CYB5B: variants seen among roughly 807,000 people sequenced by gnomAD.
CYB5B encodes cytochrome b5 type B (outer mitochondrial membrane).
In CYB5B, 14 loss-of-function variants were observed where a neutral mutation model predicts 21.3. That is an observed-to-expected ratio of 0.66 (90% CI 0.43 to 1.03). The LOEUF (loss-of-function observed/expected upper bound fraction) is 1.03, where lower values mean the gene tolerates loss of function less well. Ranked by LOEUF, CYB5B falls within the 50% of genes least tolerant of loss-of-function variation. The probability of loss-of-function intolerance (pLI) is 0.00; values close to 1 mark genes in which losing one functional copy is unlikely to be tolerated. For missense variants in CYB5B, 166 were observed against 185.1 expected, an observed-to-expected ratio of 0.90 and a Z score of 0.60; for synonymous variants, 69 against 68.4, an observed-to-expected ratio of 1.01 and a Z score of -0.04.
At chr16:69,446,359 T>G (rs1435656722) in intron 1 of CYB5B, among the ~76,000 whole-genome samples, 1 of 152,188 alleles carries the variant, frequency 6.6e-6, no homozygotes, top group Non-Finnish European at 1.5e-5. Flanking sequence ...AGTCTCACTC[T>G]TTTGCCCAGG....
At chr16:69,444,951 G>C (rs1370592322) in intron 1 of CYB5B, among the ~76,000 whole-genome samples, 2 of 152,154 alleles carry the variant, frequency 1.3e-5, no homozygotes, top group African/African-American at 4.8e-5. Context: ...TTTTAAAAAA[G>C]TGTTGTGCTT....
At chr16:69,455,206 G>A (rs57214839) in intron 3 of CYB5B, among the ~76,000 whole-genome samples, 9,654 of 151,894 alleles carry the variant, frequency 0.064, 1,013 homozygotes, top group African/African-American at 0.22. Flanking sequence ...CCTGTCTGTC[G>A]TAATGCGTCA....
chr16:69,457,771 T>C (rs2014996548), intron 3 of CYB5B, among the ~76,000 whole-genome samples: 1 of 152,226 alleles, frequency 6.6e-6, no homozygotes, highest in Admixed American at 6.5e-5. Flanking sequence ...TTTGCCATTT[T>C]TCTTGCCTAC....
intron 1 of CYB5B, among the ~76,000 whole-genome samples, chr16:69,445,963 A>G (rs1019656506): frequency 6.6e-6 from 1 of 152,196 alleles, no homozygotes; most frequent in Non-Finnish European, 1.5e-5. Context: ...TCTCAAAAAA[A>G]AAAAATTTTT....
intron 1 of CYB5B, among the ~76,000 whole-genome samples, chr16:69,445,321 A>C (rs1344957363): frequency 6.6e-6 from 1 of 152,188 alleles, no homozygotes; most frequent in Non-Finnish European, 1.5e-5. Flanking sequence ...TGTGAGACCC[A>C]CTCACTGGGT....
intron 4 of CYB5B, among the ~76,000 whole-genome samples, chr16:69,460,687 T>C (rs539781568): frequency 2.0e-5 from 3 of 152,318 alleles, no homozygotes; most frequent in South Asian, 4.1e-4. Context: ...TTGATAGAAA[T>C]GTGTGCCCAG....
chr16:69,424,652 C>G lies in CYB5B; in HGVS notation c.-32C>G, dbSNP rs369384742. The G allele has an allele frequency of 1.3e-6, 2 of 1,504,002 alleles. No homozygotes were observed. Among genetic ancestry groups the G allele is most frequent in the Non-Finnish European group, 1.8e-6 (2 of 1,122,140 alleles). The allele number at this position is 1,504,002 out of a possible 1,614,324, so 93.2% of individuals were successfully genotyped here. ...AGCGCGGGCTCTCAAGGAAAGTAGT[C>G]GCGGAATCTCAGTTAGCGGTGGAGA... On this transcript the variant is annotated 5_prime_UTR_variant, in exon 1 of 5. Coordinates refer to ENST00000307892, the MANE Select transcript of CYB5B (RefSeq NM_030579.3).
chr16:69,447,231 G>A lies in CYB5B; in HGVS notation c.256G>A (p.Asp86Asn), dbSNP rs1377635570. 1 of 1,613,940 alleles carries A rather than the reference G, an allele frequency of 6.2e-7. No homozygotes were observed. Among genetic ancestry groups the A allele is most frequent in the Non-Finnish European group, 8.5e-7 (1 of 1,179,974 alleles). ...ESFEDVGHSS[D>N]AREMLKQYYI... ...CTTTGAAGATGTAGGACACTCTTCT[G>A]ATGCCAGAGAAATGCTAAAGCAGTA... is the stretch of plus-strand genomic sequence containing the variant. The change falls in exon 2 of 5, where the codon GAT (aspartate) becomes AAT (asparagine). Residue 86 changes from aspartate (D) to asparagine (N), a missense_variant. Physicochemically the swap from Asp to Asn is conservative, Grantham distance 23. Coordinates refer to ENST00000307892, the MANE Select transcript of CYB5B (RefSeq NM_030579.3).
chr16:69,441,624 G>C (rs1286641829), intron 1 of CYB5B, among the ~76,000 whole-genome samples: 1 of 152,140 alleles, frequency 6.6e-6, no homozygotes, highest in African/African-American at 2.4e-5. Context: ...AAAAATTCCT[G>C]TGCAACCCTC....
intron 3 of CYB5B, among the ~76,000 whole-genome samples, chr16:69,450,842 TCTC>T (rs559253601): frequency 3.3e-5 from 5 of 152,276 alleles, no homozygotes; most frequent in South Asian, 4.1e-4. Flanking sequence ...TTTTCCTTCT[TCTC>T]CTTCTTCTAC....
chr16:69,456,062 AT>A (rs2014981344), intron 3 of CYB5B, among the ~76,000 whole-genome samples: 1 of 152,208 alleles, frequency 6.6e-6, no homozygotes, highest in Non-Finnish European at 1.5e-5. Flanking sequence ...GAGCAGCTTT[AT>A]AAATATTCTA....
In CYB5B at chr16:69,452,509, C is replaced by G. The variant is rs542560430; in HGVS notation, c.333+4365C>G. Among the ~76,000 whole-genome samples, 20 of 151,708 alleles carry G rather than the reference C, an allele frequency of 1.3e-4. No individual in the cohort carries two copies. In the East Asian group the frequency reaches 3.9e-3, roughly 29 times the overall value. ...CAGCCCGGCCAACATGGCGAAACCC[C>G]GTTTCTACTAAAAATACAAAAATTA... is the stretch of plus-strand genomic sequence containing the variant. On this transcript the variant is annotated intron_variant, in intron 3 of 4. Transcript: ENST00000307892.
rs1412766396 is a variant in CYB5B at position 69,458,637 on chromosome 16, AATC to A, written c.334-452_334-450del. On this transcript the variant is annotated intron_variant, in intron 3 of 4. Coordinates refer to ENST00000307892, the MANE Select transcript of CYB5B (RefSeq NM_030579.3). ...CAGTATATTTTTGTGATCTACAAGC[AATC>A]ATCTGTATGATCTAGAGCATTTCAC... Among the ~76,000 whole-genome samples, 71 of 152,318 alleles carry A rather than the reference AATC, an allele frequency of 4.7e-4. 1 individual carries two copies. Among genetic ancestry groups the A allele is most frequent in the Non-Finnish European group, 2.9e-5 (2 of 68,012 alleles).
chr16:69,426,260 G>C (rs1160452889), intron 1 of CYB5B, among the ~76,000 whole-genome samples: 2 of 151,780 alleles, frequency 1.3e-5, no homozygotes, highest in Non-Finnish European at 2.9e-5. Context: ...TTAGCCAGGC[G>C]TGATGGTGGG....
intron 1 of CYB5B, among the ~76,000 whole-genome samples, chr16:69,427,388 GTTTC>G (rs1219164084): frequency 2.6e-5 from 4 of 151,154 alleles, no homozygotes; most frequent in Non-Finnish European, 4.4e-5. Flanking sequence ...TTGCTAACCT[GTTTC>G]TTTCTTTTTT....
intron 3 of CYB5B, among the ~76,000 whole-genome samples, chr16:69,458,372 T>C (rs1042925958): frequency 5.9e-5 from 9 of 152,330 alleles, no homozygotes; most frequent in African/African-American, 2.2e-4. Context: ...TGTCCTGTTG[T>C]GAACATTTTA....
intron 3 of CYB5B, chr16:69,449,664 G>A (rs1473305546): frequency 6.6e-6 from 1 of 152,032 alleles, no homozygotes; most frequent in Admixed American, 6.5e-5. Flanking sequence ...GGAATCCCTT[G>A]GTATGTACAT....
At chr16:69,446,412 C>G (rs889542904) in intron 1 of CYB5B, among the ~76,000 whole-genome samples, 4 of 152,294 alleles carry the variant, frequency 2.6e-5, no homozygotes, top group Admixed American at 2.0e-4. Flanking sequence ...CAACCTCCCC[C>G]TCACAGGTTT....
chr16:69,466,071 A>C lies in CYB5B; in HGVS notation c.*3551A>C, dbSNP rs1482299416. 6.8e-6 allele frequency: 1 copy of C among 147,874 alleles called. No homozygotes were observed. Among genetic ancestry groups the C allele is most frequent in the African/African-American group, 2.7e-5 (1 of 37,108 alleles). 9.2% of individuals were successfully genotyped at this position (147,874 alleles called of 1,614,324 possible). On this transcript the variant is annotated 3_prime_UTR_variant, in exon 5 of 5. Coordinates refer to ENST00000307892, the MANE Select transcript of CYB5B (RefSeq NM_030579.3). Reference sequence around the variant, plus strand: ...GGGCAAACCATTACTTCAGTTATTTAACTTCCCTTTTTTTTTAACTTCACC... The same window carrying C: ...GGGCAAACCATTACTTCAGTTATTTCACTTCCCTTTTTTTTTAACTTCACC...
Sources: gnomAD v4.1 joint callset for allele counts (sites outside exome capture counted in the v4.1 genomes callset) on GRCh38, gnomAD v4.1.1 for gene constraint, MANE v1.5 for transcripts, NCBI Gene and HGNC (gene_info 2026-07-23, HGNC 2026-07-21) for gene names.